The following SLC38A10 variants were observed in gnomAD, a reference collection of about 807,000 sequenced individuals.
The protein encoded by SLC38A10 is solute carrier family 38 member 10, also known as Sodium-coupled neutral amino acid transporter 10.
A neutral mutation model predicts 81.0 loss-of-function variants in SLC38A10; 53 were observed. The observed-to-expected ratio is 0.65, with a 90% CI of 0.53 to 0.82. The LOEUF is 0.82. Ranked by LOEUF, SLC38A10 falls within the 40% of genes least tolerant of loss-of-function variation. The pLI is 0.00. For missense variants in SLC38A10, 1,471 were observed against 1,545.0 expected (o/e 0.95, Z 0.80); for synonymous variants, 665 against 655.3 (o/e 1.01, Z -0.23).
In SLC38A10 at chr17:81,288,261, G is replaced by A. The variant is rs946056265; in HGVS notation, c.217+1430C>T. Among the ~76,000 whole-genome samples, 5 of 152,178 alleles carry A rather than the reference G, an allele frequency of 3.3e-5. No homozygotes were observed. The highest frequency in any genetic ancestry group is 5.9e-5 in the Non-Finnish European group (4 of 68,034). On this transcript the variant is annotated intron_variant, in intron 2 of 15. Transcript: ENST00000374759. This position sits in a 1 kb window ranked among gnomAD's most constrained non-coding sequence, Gnocchi z 5.4. ...TGTTTTTATTTTGTTTGGCCCCCTG[G>A]ACCCCTAAACACCATTTCCTCTCCC... is the stretch of plus-strand genomic sequence containing the variant.
chr17:81,272,612 A>C lies in SLC38A10; in HGVS notation c.928T>G (p.Phe310Val). 12 of 1,551,812 alleles carry C rather than the reference A, an allele frequency of 7.7e-6. No individual in the cohort carries two copies. The highest frequency in any genetic ancestry group is 1.0e-5 in the Non-Finnish European group (12 of 1,155,040). The part of the protein sequence containing the change: ...LCEQQQKDGT[F>V]AAGGYMPPLR... ...GGGGGCATGTAGCCCCCTGCTGCAAAGGTGCCATCTTTTTGCTGTACAAAA... is the reference window on the plus strand; with the variant it reads ...GGGGGCATGTAGCCCCCTGCTGCAACGGTGCCATCTTTTTGCTGTACAAAA... The change falls in exon 9 of 16, where the codon TTT becomes GTT. Residue 310 changes from phenylalanine to valine, a missense_variant. Coordinates refer to ENST00000374759, the MANE Select transcript of SLC38A10 (RefSeq NM_001037984.3).
chr17:81,253,935 C>T lies in SLC38A10; in HGVS notation c.1289-695G>A, dbSNP rs1371447355. 6.6e-6 allele frequency among the ~76,000 whole-genome samples: 1 copy of T among 152,132 alleles called. No homozygotes were observed. Among genetic ancestry groups the T allele is most frequent in the Non-Finnish European group, 1.5e-5 (1 of 68,032 alleles). On this transcript the variant is annotated intron_variant, in intron 11 of 15. Coordinates refer to ENST00000374759, the MANE Select transcript of SLC38A10 (RefSeq NM_001037984.3). The surrounding 1 kb of genome is among the most constrained non-coding windows in gnomAD (Gnocchi z 4.1). ...CTGCCAACCCTACCATCATTGCCAT[C>T]ACCTCCATTATCGTCATCACCACCA...
chr17:81,293,607 G>A (rs1429766089), intron 1 of SLC38A10, among the ~76,000 whole-genome samples: 5 of 152,174 alleles, frequency 3.3e-5, no homozygotes, highest in African/African-American at 1.2e-4. Context: ...GAGCAGCTGA[G>A]ACTACAGGTA....
At chr17:81,291,987 G>A (rs1001700375) in intron 1 of SLC38A10, among the ~76,000 whole-genome samples, 1 of 152,100 alleles carries the variant, frequency 6.6e-6, no homozygotes, top group Non-Finnish European at 1.5e-5. Context: ...CTAGTCACAC[G>A]GGTTTGCTCG....
At position 81,281,054 on chromosome 17, in the gene SLC38A10, C is replaced by T. The variant is rs142535510; in HGVS notation, c.502-321G>A. Among the ~76,000 whole-genome samples the T allele has an allele frequency of 1.7e-4, 26 of 152,354 alleles. No individual in the cohort carries two copies. Among genetic ancestry groups the T allele is most frequent in the Non-Finnish European group, 3.1e-4 (21 of 68,032 alleles). ...ACTGAGCATGCATGGCCCCAGTTTC[C>T]GTCGGTTACAGAGGCTGGTTTCCCA... On this transcript the variant is annotated intron_variant, in intron 5 of 15. Transcript: ENST00000374759. The surrounding 1 kb of genome is among the most constrained non-coding windows in gnomAD (Gnocchi z 5.3).
intron 14 of SLC38A10, 23 bp from the exon 15 acceptor site, chr17:81,247,084 C>CA (rs777802619): frequency 2.6e-6 from 4 of 1,563,316 alleles, no homozygotes; most frequent in African/African-American, 1.3e-5. Context: ...AGCACACAGT[C>CA]AGAGTGCCCG....
At chr17:81,292,752 C>T (rs908885108) in intron 1 of SLC38A10, among the ~76,000 whole-genome samples, 8 of 152,148 alleles carry the variant, frequency 5.3e-5, no homozygotes, top group Non-Finnish European at 8.8e-5. Context: ...GTCCAAGGCT[C>T]GAGATAGCTG....
chr17:81,263,564 G>A (rs931158257), intron 10 of SLC38A10: 3 of 152,368 alleles, frequency 2.0e-5, no homozygotes, highest in African/African-American at 7.2e-5. Flanking sequence ...CTGGCTCGCT[G>A]ACTTTCAGGC....
At position 81,246,927 on chromosome 17, in the gene SLC38A10, G is replaced by A; in HGVS notation, c.2200C>T (p.His734Tyr). 1 of 1,606,230 alleles carries A rather than the reference G, an allele frequency of 6.2e-7. No homozygotes were observed. The highest frequency in any genetic ancestry group is 8.5e-7 in the Non-Finnish European group (1 of 1,178,000). The change falls in exon 15 of 16, where the codon CAC (histidine) becomes TAC (tyrosine). Residue 734 changes from histidine (H) to tyrosine (Y), a missense_variant. Physicochemically the swap from His to Tyr is moderately conservative, Grantham distance 83. Transcript: ENST00000374759. ...AVIEEQHKEI[H>Y]QQRQEDEEDK... ...TCCTCGTCCTCCTGCCTCTGCTGGTGGATCTCCTTGTGCTGCTCCTCGATC... is the reference window on the plus strand; with the variant it reads ...TCCTCGTCCTCCTGCCTCTGCTGGTAGATCTCCTTGTGCTGCTCCTCGATC...
chr17:81,250,142 C>T (rs1230334907), intron 14 of SLC38A10: 8 of 1,274,446 alleles, frequency 6.3e-6, no homozygotes, highest in Non-Finnish European at 7.1e-6. Flanking sequence ...AATAGGAAAC[C>T]GTGAAAAGTC....
At position 81,283,363 on chromosome 17, in the gene SLC38A10, C is replaced by T. The variant is rs972840038; in HGVS notation, c.357+46G>A. ...GAGGATCCCACAGAGGGCCTCAGAG[C>T]AGCCGTCAGCATCTGAACAACCCAG... On this transcript the variant is annotated intron_variant, in intron 4 of 15. Coordinates refer to ENST00000374759, the MANE Select transcript of SLC38A10 (RefSeq NM_001037984.3). This position sits in a 1 kb window ranked among gnomAD's most constrained non-coding sequence, Gnocchi z 4.7. 6.5e-7 allele frequency: 1 copy of T among 1,549,818 alleles called. No homozygotes were observed. Among genetic ancestry groups the T allele is most frequent in the African/African-American group, 1.4e-5 (1 of 73,518 alleles).
At chr17:81,249,615 G>A (rs2062892029) in intron 14 of SLC38A10, among the ~76,000 whole-genome samples, 1 of 150,910 alleles carries the variant, frequency 6.6e-6, no homozygotes, top group South Asian at 2.1e-4. Context: ...CACATGTGAA[G>A]CACCGTGGAG....
intron 11 of SLC38A10, among the ~76,000 whole-genome samples, chr17:81,257,978 G>A (rs955606588): frequency 6.6e-6 from 1 of 152,260 alleles, no homozygotes; most frequent in Non-Finnish European, 1.5e-5. Context: ...AGAGAGAGCA[G>A]GTACGAACGG....
intron 10 of SLC38A10, among the ~76,000 whole-genome samples, chr17:81,261,785 C>T (rs2063026277): frequency 6.6e-6 from 1 of 152,218 alleles, no homozygotes; most frequent in African/African-American, 2.4e-5. Flanking sequence ...GTAGGATGCC[C>T]AGGGAGCCCA....
At position 81,281,109 on chromosome 17, in the gene SLC38A10, G is replaced by A. The variant is rs2063208882; in HGVS notation, c.502-376C>T. ...GGCAGGTCCCTCCCCATCTTGTACT[G>A]TGTTAGACATGGACATTTTCCAAAA... On this transcript the variant is annotated intron_variant, in intron 5 of 15. Coordinates refer to ENST00000374759, the MANE Select transcript of SLC38A10 (RefSeq NM_001037984.3). The surrounding 1 kb of genome is among the most constrained non-coding windows in gnomAD (Gnocchi z 5.3). Among the ~76,000 whole-genome samples the A allele has an allele frequency of 6.6e-6, 1 of 152,218 alleles. No homozygotes were observed. Among genetic ancestry groups the A allele is most frequent in the Non-Finnish European group, 1.5e-5 (1 of 68,038 alleles).
Position 81,265,199 on chromosome 17 carries a change from A to G in SLC38A10, c.1132-4805T>C, listed in dbSNP as rs368178720. ...AGTGTTCAAGACCAGCCTGGCCAACATGGTGAAACCGTGTCTCTACCAAAA... is the reference window on the plus strand; with the variant it reads ...AGTGTTCAAGACCAGCCTGGCCAACGTGGTGAAACCGTGTCTCTACCAAAA... On this transcript the variant is annotated intron_variant, in intron 10 of 15. Coordinates refer to ENST00000374759, the MANE Select transcript of SLC38A10 (RefSeq NM_001037984.3). This position sits in a 1 kb window ranked among gnomAD's most constrained non-coding sequence, Gnocchi z 4.2. 4.6e-5 allele frequency: 7 copies of G among 152,288 alleles called. No homozygotes were observed. The highest frequency in any genetic ancestry group is 1.7e-4 in the African/African-American group (7 of 41,450). 9.4% of individuals were successfully genotyped at this position (152,288 alleles called of 1,614,324 possible).
chr17:81,272,515 C>A lies in SLC38A10; in HGVS notation c.1024+1G>T. The stretch of plus-strand genomic sequence containing the variant: ...GCAACAGGGCAGCCCTCCCGCCTTA[C>A]CGTTGGGGATAAGGATGCCACCAAC... On this transcript the variant is annotated splice_donor_variant, in intron 9 of 15. Coordinates refer to ENST00000374759, the MANE Select transcript of SLC38A10 (RefSeq NM_001037984.3). LOFTEE classifies it high-confidence loss of function. 6.3e-7 allele frequency: 1 copy of A among 1,586,030 alleles called. No individual in the cohort carries two copies. The highest frequency in any genetic ancestry group is 8.6e-7 in the Non-Finnish European group (1 of 1,168,046).
chr17:81,262,008 G>A (rs2063028556), intron 10 of SLC38A10, among the ~76,000 whole-genome samples: 1 of 152,234 alleles, frequency 6.6e-6, no homozygotes, highest in African/African-American at 2.4e-5. Context: ...TCCTTGCAGT[G>A]AAGGGAAGAG....
intron 11 of SLC38A10, among the ~76,000 whole-genome samples, chr17:81,255,787 G>A (rs2062966569): frequency 6.6e-6 from 1 of 152,188 alleles, no homozygotes. Context: ...CTTGAGGTCA[G>A]GAGTTCAACA....
Sources: gnomAD v4.1 joint callset for allele counts (sites outside exome capture counted in the v4.1 genomes callset) on GRCh38, gnomAD v4.1.1 for gene constraint, Gnocchi (gnomAD v3.1) non-coding constraint, MANE v1.5 for transcripts, NCBI Gene and HGNC (gene_info 2026-07-23, HGNC 2026-07-21) for gene names.